The following GALNTL6 variants were observed in gnomAD, a reference collection of about 807,000 sequenced individuals.
The protein encoded by GALNTL6 is polypeptide N-acetylgalactosaminyltransferase-like 6.
Under a neutral mutation model 73.7 loss-of-function variants are expected in GALNTL6, and 46 were observed. The ratio of observed to expected loss-of-function variants is 0.62; its 90% CI spans 0.49 to 0.80. The LOEUF (loss-of-function observed/expected upper bound fraction) is 0.80, where lower values mean the gene tolerates loss of function less well. GALNTL6 is among the 30% of genes least tolerant of loss of function. The pLI is 0.00. For missense variants in GALNTL6, 604 were observed against 755.0 expected (o/e 0.80, Z 2.34); for synonymous variants, 259 against 263.7 (o/e 0.98, Z 0.17).
intron 5 of GALNTL6, among the ~76,000 whole-genome samples, chr4:172,585,654 C>T (rs1347076021): frequency 6.6e-6 from 1 of 152,108 alleles, no homozygotes; most frequent in Non-Finnish European, 1.5e-5. Flanking sequence ...TCCAGTCTAT[C>T]ATTGATGGGC....
At chr4:172,187,104 G>C (rs1434859617) in intron 2 of GALNTL6, among the ~76,000 whole-genome samples, 3 of 151,924 alleles carry the variant, frequency 2.0e-5, no homozygotes, top group Admixed American at 2.0e-4. Flanking sequence ...AAAATGCCTA[G>C]TTGCTGATTA....
chr4:171,929,445 G>A (rs961154284), intron 2 of GALNTL6, among the ~76,000 whole-genome samples: 37 of 152,176 alleles, frequency 2.4e-4, no homozygotes, highest in African/African-American at 8.7e-4. Context: ...GAGCACAAGG[G>A]CCAACTAGAC....
At chr4:172,705,977 T>G (rs1335479449) in intron 5 of GALNTL6, among the ~76,000 whole-genome samples, 1 of 152,120 alleles carries the variant, frequency 6.6e-6, no homozygotes, top group Non-Finnish European at 1.5e-5. Context: ...TGTTTGGTGA[T>G]CTTTGACCTT....
chr4:172,182,733 T>A (rs1735292526), intron 2 of GALNTL6, among the ~76,000 whole-genome samples: 1 of 151,898 alleles, frequency 6.6e-6, no homozygotes, highest in East Asian at 1.9e-4. Context: ...ATTTTTTAAA[T>A]GTGCATTTAT....
chr4:172,026,656 G>A (rs1179284602), intron 2 of GALNTL6, among the ~76,000 whole-genome samples: 5 of 151,892 alleles, frequency 3.3e-5, no homozygotes, highest in African/African-American at 1.2e-4. Context: ...TACACATTAG[G>A]CTCATGTTTC....
At chr4:172,553,766 A>G (rs1736045584) in intron 5 of GALNTL6, among the ~76,000 whole-genome samples, 2 of 152,114 alleles carry the variant, frequency 1.3e-5, no homozygotes, top group African/African-American at 4.8e-5. Flanking sequence ...ATATTTTGTT[A>G]GAAATTTTGG....
At chr4:171,884,082 C>A (rs1209831489) in intron 2 of GALNTL6, among the ~76,000 whole-genome samples, 1 of 152,158 alleles carries the variant, frequency 6.6e-6, no homozygotes, top group African/African-American at 2.4e-5. Context: ...TTTTCTCTCT[C>A]GAAAAGTTGC....
chr4:172,547,540 A>G (rs1043518196), intron 5 of GALNTL6, among the ~76,000 whole-genome samples: 3 of 152,048 alleles, frequency 2.0e-5, no homozygotes, highest in Non-Finnish European at 2.9e-5. Flanking sequence ...TGATTCATTG[A>G]TTTCTTTTTT....
intron 2 of GALNTL6, among the ~76,000 whole-genome samples, chr4:171,988,556 G>A (rs1032992677): frequency 1.3e-5 from 2 of 152,116 alleles, no homozygotes; most frequent in African/African-American, 4.8e-5. Context: ...GAGGTATTGA[G>A]GATAGGAGAG....
chr4:172,752,046 TAAAAAAAA>T (rs5864166), intron 5 of GALNTL6, among the ~76,000 whole-genome samples: 3 of 135,020 alleles, frequency 2.2e-5, no homozygotes, highest in Admixed American at 7.3e-5. Flanking sequence ...AACTTAAACT[TAAAAAAAA>T]AAAAAAAAGC....
intron 7 of GALNTL6, among the ~76,000 whole-genome samples, chr4:172,823,280 C>G (rs887463367): frequency 2.6e-5 from 4 of 152,202 alleles, no homozygotes; most frequent in African/African-American, 9.6e-5. Context: ...AGCTTCATTG[C>G]TAAAATATCA....
intron 2 of GALNTL6, among the ~76,000 whole-genome samples, chr4:172,177,818 TGTATATATACACACAC>T: frequency 1.4e-5 from 2 of 138,066 alleles, no homozygotes; most frequent in African/African-American, 6.2e-5. Flanking sequence ...TATATGTGTG[TGTATATATACACACAC>T]ATATATATGT....
chr4:172,311,551 C>A (rs186105513), intron 3 of GALNTL6, 63 bp from the exon 4 acceptor site: 298 of 1,373,428 alleles, frequency 2.2e-4, no homozygotes, highest in Middle Eastern at 1.5e-3. Context: ...GTCTTCCTAT[C>A]TGTTCTAGAA....
chr4:172,170,235 C>G (rs1734767551), intron 2 of GALNTL6, among the ~76,000 whole-genome samples: 1 of 152,126 alleles, frequency 6.6e-6, no homozygotes, highest in South Asian at 2.1e-4. Flanking sequence ...AGGGAGAGAT[C>G]AGATGGAGGT....
intron 2 of GALNTL6, among the ~76,000 whole-genome samples, chr4:171,900,762 T>C (rs893909261): frequency 6.6e-6 from 1 of 152,204 alleles, no homozygotes. Flanking sequence ...TTGAGATTGA[T>C]GTTGGTTTTG....
At chr4:171,979,285 A>G (rs561074502) in intron 2 of GALNTL6, among the ~76,000 whole-genome samples, 1 of 152,306 alleles carries the variant, frequency 6.6e-6, no homozygotes, top group African/African-American at 2.4e-5. Flanking sequence ...CCATTCTATA[A>G]TCTTCAAGGC....
At chr4:171,891,899 T>A (rs1246487159) in intron 2 of GALNTL6, among the ~76,000 whole-genome samples, 1 of 152,186 alleles carries the variant, frequency 6.6e-6, no homozygotes, top group African/African-American at 2.4e-5. Context: ...TCCTATATAT[T>A]TATTTGCTAA....
At chr4:172,201,714 G>A (rs1171432175) in intron 2 of GALNTL6, among the ~76,000 whole-genome samples, 1 of 152,054 alleles carries the variant, frequency 6.6e-6, no homozygotes, top group Non-Finnish European at 1.5e-5. Context: ...AACTAGTTGA[G>A]GCAATAAAAT....
intron 8 of GALNTL6, among the ~76,000 whole-genome samples, chr4:172,905,729 T>A (rs182233309): frequency 1.3e-5 from 2 of 148,638 alleles, no homozygotes; most frequent in African/African-American, 4.9e-5. Flanking sequence ...AGTCTAGGTA[T>A]ACTTTATTAA....
Sources: allele counts gnomAD v4.1 joint callset (sites outside exome capture counted in the v4.1 genomes callset), GRCh38; gene constraint gnomAD v4.1.1; transcripts MANE v1.5; gene names NCBI Gene and HGNC (gene_info 2026-07-23, HGNC 2026-07-21).